The following PEX11B variants were observed in gnomAD, a reference collection of about 807,000 sequenced individuals.
PEX11B encodes peroxisomal biogenesis factor 11 beta.
PEX11B carries 18 observed loss-of-function variants against 28.2 expected under a neutral mutation model. That is an observed-to-expected ratio of 0.64 (90% CI 0.44 to 0.95). PEX11B has a LOEUF of 0.95. Ranked by LOEUF, PEX11B falls within the 40% of genes least tolerant of loss-of-function variation. The probability of loss-of-function intolerance (pLI) is 0.00; values close to 1 mark genes in which losing one functional copy is unlikely to be tolerated. For synonymous variants in PEX11B, 128 were observed against 128.7 expected, an observed-to-expected ratio of 0.99 and a Z score of 0.04; for missense variants, 305 against 319.8, an observed-to-expected ratio of 0.95 and a Z score of 0.35.
chr1:145,912,212 G>A lies in PEX11B; in HGVS notation c.729C>T (p.Ser243=), dbSNP rs782297227. The change falls in exon 4 of 4, where the codon TCC becomes TCT. Residue 243 remains serine, a synonymous_variant. Coordinates refer to ENST00000369306, the MANE Select transcript of PEX11B (RefSeq NM_003846.3). The part of the protein sequence containing the change: ...GIVGLCGLVS[S]ILSILTLIYP... ...AGATTAGGGTGAGAATAGACAGGATGGAGGACACGAGGCCACAAAGCCCCA... is the reference window on the plus strand; with the variant it reads ...AGATTAGGGTGAGAATAGACAGGATAGAGGACACGAGGCCACAAAGCCCCA... The A allele has an allele frequency of 1.2e-6, 2 of 1,613,934 alleles. No individual in the cohort carries two copies. Among genetic ancestry groups the A allele is most frequent in the East Asian group, 2.2e-5 (1 of 44,870 alleles).
intron 3 of PEX11B, among the ~76,000 whole-genome samples, 187 bp downstream of exon 3, chr1:145,916,630 A>G (rs1315896041): frequency 6.6e-6 from 1 of 152,224 alleles, no homozygotes; most frequent in Non-Finnish European, 1.5e-5. Flanking sequence ...ATGGAAGAGC[A>G]TCTGTCTTCC....
intron 3 of PEX11B, among the ~76,000 whole-genome samples, chr1:145,912,814 G>A (rs948883867): frequency 2.6e-5 from 4 of 152,300 alleles, no homozygotes; most frequent in East Asian, 3.9e-4. Flanking sequence ...AAGGCCGGGC[G>A]TGGTGGCTCA....
At position 145,912,118 on chromosome 1, in the gene PEX11B, C is replaced by A; in HGVS notation, c.*43G>T. On this transcript the variant is annotated 3_prime_UTR_variant, in exon 4 of 4. Transcript: ENST00000369306. The stretch of plus-strand genomic sequence containing the variant: ...GCACATGGGGGACGATCTAAGATTC[C>A]ATCTCACCAATTCAGGTCCCCTCCT... 3 of 1,436,962 alleles carry A rather than the reference C, an allele frequency of 2.1e-6. No individual in the cohort carries two copies. Among genetic ancestry groups the A allele is most frequent in the East Asian group, 2.4e-5 (1 of 41,118 alleles). 89.0% of individuals were successfully genotyped at this position (1,436,962 alleles called of 1,614,324 possible).
chr1:145,916,573 A>G (rs1553753930), intron 3 of PEX11B, among the ~76,000 whole-genome samples: 2 of 152,210 alleles, frequency 1.3e-5, no homozygotes, highest in East Asian at 3.8e-4. Flanking sequence ...TAGAAGCACA[A>G]TTAAAGTGAT....
chr1:145,913,008 A>C (rs1553753400), intron 3 of PEX11B, among the ~76,000 whole-genome samples: 1 of 148,228 alleles, frequency 6.7e-6, no homozygotes, highest in South Asian at 2.1e-4. Context: ...GAATTGCTTG[A>C]ACCCAGGAAG....
chr1:145,911,987 C>T lies in PEX11B; in HGVS notation c.*174G>A. ...CTAGAAATTAGAGACATCCTATTAACTTCACGAGTCATCTTTCCTTACCTC... is the reference window on the plus strand; with the variant it reads ...CTAGAAATTAGAGACATCCTATTAATTTCACGAGTCATCTTTCCTTACCTC... On this transcript the variant is annotated 3_prime_UTR_variant, in exon 4 of 4. Coordinates refer to ENST00000369306, the MANE Select transcript of PEX11B (RefSeq NM_003846.3). 4.1e-6 allele frequency: 2 copies of T among 483,894 alleles called. No individual in the cohort carries two copies. Among genetic ancestry groups the T allele is most frequent in the Non-Finnish European group, 7.2e-6 (2 of 278,208 alleles). The allele number at this position is 483,894 out of a possible 1,614,324, so 30.0% of individuals were successfully genotyped here.
intron 3 of PEX11B, among the ~76,000 whole-genome samples, chr1:145,914,709 C>A (rs1647281275): frequency 6.6e-6 from 1 of 152,224 alleles, no homozygotes; most frequent in Non-Finnish European, 1.5e-5. Flanking sequence ...CAGGTATGAG[C>A]TTAAGTATCA....
chr1:145,912,706 T>G, intron 3 of PEX11B, 140 bp from the exon 4 acceptor site: 1 of 546,594 alleles, frequency 1.8e-6, no homozygotes, highest in Non-Finnish European at 3.1e-6. Flanking sequence ...TTACCCCTAT[T>G]AGAAATGTCC....
chr1:145,912,659 G>A (rs1053131437), intron 3 of PEX11B, 93 bp from the exon 4 acceptor site: 47 of 845,836 alleles, frequency 5.6e-5, no homozygotes, highest in Non-Finnish European at 7.6e-5. Flanking sequence ...CTGTAGCAAA[G>A]AGATTACACA....
chr1:145,914,644 C>A (rs1238865079), intron 3 of PEX11B, among the ~76,000 whole-genome samples: 1 of 152,146 alleles, frequency 6.6e-6, no homozygotes, highest in African/African-American at 2.4e-5. Context: ...ATTCTCCCTC[C>A]ACCTGGAATA....
intron 3 of PEX11B, among the ~76,000 whole-genome samples, chr1:145,914,890 C>T (rs587610632): frequency 6.6e-6 from 1 of 152,190 alleles, no homozygotes; most frequent in Admixed American, 6.5e-5. Context: ...TCCAGAGGAG[C>T]AGAGGCCTTG....
intron 3 of PEX11B, among the ~76,000 whole-genome samples, chr1:145,914,958 C>A (rs1647295013): frequency 6.6e-6 from 1 of 152,150 alleles, no homozygotes; most frequent in Non-Finnish European, 1.5e-5. Context: ...GGCTAGAGTA[C>A]AATGGCACGA....
chr1:145,915,884 C>T (rs1413842328), intron 3 of PEX11B, among the ~76,000 whole-genome samples: 1 of 152,032 alleles, frequency 6.6e-6, no homozygotes, highest in Admixed American at 6.5e-5. Context: ...CCCCCAACCT[C>T]GGCCTCCCAA....
At chr1:145,917,641 G>T (rs1647471925) in intron 2 of PEX11B, 60 bp downstream of exon 2, 4 of 941,162 alleles carry the variant, frequency 4.3e-6, no homozygotes, top group African/African-American at 1.6e-5. Flanking sequence ...AGGGACAAAG[G>T]AAGGTGAGCT....
intron 1 of PEX11B, chr1:145,918,287 A>G: frequency 1.4e-6 from 2 of 1,460,034 alleles, no homozygotes; most frequent in Non-Finnish European, 1.8e-6. Flanking sequence ...GGAAACTGGG[A>G]GTGCCTCCTC....
chr1:145,918,320 G>T (rs1647528539), intron 1 of PEX11B: 2 of 1,499,874 alleles, frequency 1.3e-6, no homozygotes, highest in South Asian at 1.3e-5. Context: ...AGAGTCTGGG[G>T]CTATCCACCG....
At chr1:145,918,403 G>A in intron 1 of PEX11B, 1 of 1,536,054 alleles carries the variant, frequency 6.5e-7, no homozygotes, top group Non-Finnish European at 8.7e-7. Context: ...CAGCAACCCT[G>A]AGCGGCCTCC....
chr1:145,912,621 C>T (rs1390611289), intron 3 of PEX11B, 55 bp from the exon 4 acceptor site: 20 of 1,159,204 alleles, frequency 1.7e-5, no homozygotes, highest in Non-Finnish European at 2.2e-5. Flanking sequence ...TTAACATATC[C>T]AACATCACAT....
chr1:145,914,695 T>C (rs1647280673), intron 3 of PEX11B, among the ~76,000 whole-genome samples: 1 of 152,208 alleles, frequency 6.6e-6, no homozygotes, highest in South Asian at 2.1e-4. Flanking sequence ...TCTTTCTTGC[T>C]CTTCAGGTAT....
Sources: allele counts gnomAD v4.1 joint callset (sites outside exome capture counted in the v4.1 genomes callset), GRCh38; gene constraint gnomAD v4.1.1; transcripts MANE v1.5; gene names NCBI Gene and HGNC (gene_info 2026-07-23, HGNC 2026-07-21).